The following SNRPC variants were observed in gnomAD, a reference collection of about 807,000 sequenced individuals.
The protein encoded by SNRPC is U1 small nuclear ribonucleoprotein C.
A neutral mutation model predicts 20.0 loss-of-function variants in SNRPC; 5 were observed. The ratio of observed to expected loss-of-function variants is 0.25; its 90% CI spans 0.13 to 0.53. The LOEUF is 0.53. Ranked by LOEUF, SNRPC falls within the 20% of genes least tolerant of loss-of-function variation. The pLI is 0.96. For synonymous variants in SNRPC, 61 were observed against 58.7 expected (o/e 1.04, Z -0.18); for missense variants, 112 against 224.1 (o/e 0.50, Z 3.19).
intron 3 of SNRPC, among the ~76,000 whole-genome samples, chr6:34,766,750 C>T (rs1764618581): frequency 6.6e-6 from 1 of 152,156 alleles, no homozygotes; most frequent in East Asian, 1.9e-4. Flanking sequence ...TCCCTGAGAT[C>T]GCACAGGCTT....
rs1443976963 is a variant in SNRPC, at chr6:34,762,687, C to G, written c.144C>G (p.Ser48Arg). The change falls in exon 3 of 6, where the codon AGC (serine) becomes AGG (arginine). Residue 48 changes from serine (S) to arginine (R), a missense_variant. Physicochemically the swap from Ser to Arg is moderately radical, Grantham distance 110. Around this residue, in one of 3 missense-constraint regions of SNRPC, gnomAD observed 45 missense variants for 48.6 expected, o/e 0.93. Coordinates refer to ENST00000244520, the MANE Select transcript of SNRPC (RefSeq NM_003093.3). ...AATGGATGGAAGAGCAGGCTCAGAG[C>G]CTGATTGACAAAACAAGTATGTTTC... is the stretch of plus-strand genomic sequence containing the variant. ...YQKWMEEQAQ[S>R]LIDKTTAAFQ... The G allele has an allele frequency of 6.4e-7, 1 of 1,551,278 alleles. No homozygotes were observed. The highest frequency in any genetic ancestry group is 1.4e-5 in the African/African-American group (1 of 73,722).
Position 34,770,336 on chromosome 6 carries a change from G to C in SNRPC, c.296G>C (p.Gly99Ala), listed in dbSNP as rs1435960956. 6.2e-7 allele frequency: 1 copy of C among 1,613,624 alleles called. No homozygotes were observed. The highest frequency in any genetic ancestry group is 1.3e-5 in the African/African-American group (1 of 74,930). The change falls in exon 5 of 6, where the codon GGC (glycine) becomes GCC (alanine). Residue 99 changes from glycine (G) to alanine (A), a missense_variant. Gly to Ala is a moderately conservative substitution (Grantham distance 60, BLOSUM62 0). Transcript: ENST00000244520. Reference sequence around the variant, plus strand: ...ATGATGCCAGCACCCCATATGGGGGGCCCTCCCATGATGCCAATGATGGGC... The same window carrying C: ...ATGATGCCAGCACCCCATATGGGGGCCCCTCCCATGATGCCAATGATGGGC... ...PGMMPAPHMG[G>A]PPMMPMMGPP...
intron 2 of SNRPC, among the ~76,000 whole-genome samples, chr6:34,758,822 C>G (rs1481457196): frequency 1.3e-5 from 2 of 151,266 alleles, no homozygotes; most frequent in South Asian, 2.1e-4. Context: ...GTCAGGAGAT[C>G]GAGACCACGG....
At chr6:34,768,753 CAAAAA>C (rs11284276) in intron 4 of SNRPC, among the ~76,000 whole-genome samples, 3 of 97,636 alleles carry the variant, frequency 3.1e-5, no homozygotes, top group South Asian at 3.5e-4. Context: ...GACTTTGTCT[CAAAAA>C]AAAAAAAAAA....
At chr6:34,765,440 T>TTTTA (rs1764600328) in intron 3 of SNRPC, among the ~76,000 whole-genome samples, 1 of 150,984 alleles carries the variant, frequency 6.6e-6, no homozygotes, top group Non-Finnish European at 1.5e-5. Flanking sequence ...TATTTATTTA[T>TTTTA]TTTATTTATT....
intron 3 of SNRPC, among the ~76,000 whole-genome samples, chr6:34,766,852 G>C (rs1430210958): frequency 6.6e-6 from 1 of 152,162 alleles, no homozygotes; most frequent in Non-Finnish European, 1.5e-5. Context: ...AATAATTGAT[G>C]AGTAATTTGA....
chr6:34,766,598 A>G (rs1030819382), intron 3 of SNRPC, among the ~76,000 whole-genome samples: 1 of 152,208 alleles, frequency 6.6e-6, no homozygotes, highest in African/African-American at 2.4e-5. Context: ...GGACACACCT[A>G]TGAAATCCAT....
chr6:34,773,430 T>C lies in SNRPC; in HGVS notation c.356-16T>C. The stretch of plus-strand genomic sequence containing the variant: ...CTGACTCCCTTTTTCTCCCTCTTCT[T>C]TGTTTTGTCCTGCAGCTCCTGGAAT... On this transcript the variant is annotated splice_polypyrimidine_tract_variant and intron_variant, in intron 5 of 5. Coordinates refer to ENST00000244520, the MANE Select transcript of SNRPC (RefSeq NM_003093.3). The surrounding 1 kb of genome is among the most constrained non-coding windows in gnomAD (Gnocchi z 4.1). 6.2e-7 allele frequency: 1 copy of C among 1,612,128 alleles called. No homozygotes were observed. Among genetic ancestry groups the C allele is most frequent in the South Asian group, 1.1e-5 (1 of 91,018 alleles).
At position 34,769,688 on chromosome 6, in the gene SNRPC, G is replaced by T. The variant is rs186048136; in HGVS notation, c.251-603G>T. 2.2e-4 allele frequency among the ~76,000 whole-genome samples: 33 copies of T among 152,228 alleles called. No individual in the cohort carries two copies. In the East Asian group the frequency reaches 6.4e-3, roughly 29 times the overall value. On this transcript the variant is annotated intron_variant, in intron 4 of 5. Coordinates refer to ENST00000244520, the MANE Select transcript of SNRPC (RefSeq NM_003093.3). ...CTTTTTGTCAGGAGCTCTATAGAAG[G>T]TACAACCTCTCCACCCCCTTGTTTT...
At chr6:34,769,898 G>A (rs1274344424) in intron 4 of SNRPC, among the ~76,000 whole-genome samples, 2 of 152,156 alleles carry the variant, frequency 1.3e-5, no homozygotes, top group Non-Finnish European at 2.9e-5. Context: ...GAATTTGAAG[G>A]AGTTCATGAG....
intron 2 of SNRPC, 71 bp downstream of exon 2, chr6:34,758,025 T>A (rs1764477192): frequency 1.3e-6 from 2 of 1,527,538 alleles, no homozygotes; most frequent in Non-Finnish European, 1.8e-6. Flanking sequence ...TGTGTTTTTT[T>A]TAAGTTGCAA....
chr6:34,758,177 G>C (rs1392940060), intron 2 of SNRPC, among the ~76,000 whole-genome samples: 2 of 152,092 alleles, frequency 1.3e-5, no homozygotes, highest in African/African-American at 4.8e-5. Flanking sequence ...TCCCAGATAC[G>C]CAAGAGGATG....
rs981415709 is a variant in SNRPC at position 34,769,625 on chromosome 6, G to A, written c.251-666G>A. On this transcript the variant is annotated intron_variant, in intron 4 of 5. Coordinates refer to ENST00000244520, the MANE Select transcript of SNRPC (RefSeq NM_003093.3). ...AACCATGTTTTCATTTTTTACAAAG[G>A]GATCTTAAATTAGATACTTGTGGCT... Among the ~76,000 whole-genome samples the A allele has an allele frequency of 5.3e-5, 8 of 151,974 alleles. No individual in the cohort carries two copies. The South Asian group carries it at 6.2e-4, about 12-fold the overall frequency.
chr6:34,758,444 T>A (rs1764482371), intron 2 of SNRPC, among the ~76,000 whole-genome samples: 1 of 151,916 alleles, frequency 6.6e-6, no homozygotes, highest in African/African-American at 2.4e-5. Flanking sequence ...GCCTCCCGAG[T>A]AGCTGGGATT....
chr6:34,757,964 A>G lies in SNRPC; in HGVS notation c.51+10A>G, dbSNP rs1284242604. 1.9e-6 allele frequency: 3 copies of G among 1,603,114 alleles called. No individual in the cohort carries two copies. Among genetic ancestry groups the G allele is most frequent in the East Asian group, 2.2e-5 (1 of 44,850 alleles). Reference sequence around the variant, plus strand: ...CCTCACCCATGACTCTGTAAGTGGCATATCTATTCATAGTTTCAAAAAGCC... The same window carrying G: ...CCTCACCCATGACTCTGTAAGTGGCGTATCTATTCATAGTTTCAAAAAGCC... On this transcript the variant is annotated intron_variant, in intron 2 of 5. Coordinates refer to ENST00000244520, the MANE Select transcript of SNRPC (RefSeq NM_003093.3).
chr6:34,763,049 A>G (rs1259135558), intron 3 of SNRPC, among the ~76,000 whole-genome samples: 1 of 152,178 alleles, frequency 6.6e-6, no homozygotes, highest in Non-Finnish European at 1.5e-5. Flanking sequence ...GTATGTTCCT[A>G]TTCTAATAGG....
chr6:34,772,344 A>C (rs1764701922), intron 5 of SNRPC, among the ~76,000 whole-genome samples: 1 of 152,244 alleles, frequency 6.6e-6, no homozygotes, highest in African/African-American at 2.4e-5. Flanking sequence ...AAAGAAAACG[A>C]GTTTCCAGTT....
chr6:34,761,862 G>T (rs1225779478), intron 2 of SNRPC, among the ~76,000 whole-genome samples: 1 of 152,002 alleles, frequency 6.6e-6, no homozygotes, highest in Non-Finnish European at 1.5e-5. Flanking sequence ...ACCCAGGCTG[G>T]AGTGTAGTGG....
chr6:34,758,913 G>A (rs1019618196), intron 2 of SNRPC, among the ~76,000 whole-genome samples: 1 of 151,428 alleles, frequency 6.6e-6, no homozygotes, highest in Admixed American at 6.6e-5. Context: ...CCAGCTACTC[G>A]GGAGGCTGAG....
Sources: gnomAD v4.1 joint callset for allele counts (sites outside exome capture counted in the v4.1 genomes callset) on GRCh38, gnomAD v4.1.1 for gene constraint, gnomAD v4.1.1 regional missense constraint, Gnocchi (gnomAD v3.1) non-coding constraint, MANE v1.5 for transcripts, NCBI Gene and HGNC (gene_info 2026-07-23, HGNC 2026-07-21) for gene names.